Variants in RBFOX1 observed in about 807,000 individuals in gnomAD.
The protein encoded by RBFOX1 is RNA binding protein fox-1 homolog 1.
RBFOX1 carries 8 observed loss-of-function variants against 57.7 expected under a neutral mutation model. The observed-to-expected ratio is 0.14, with a 90% CI of 0.08 to 0.25. The LOEUF is 0.25. Among genes scored for constraint, RBFOX1 ranks in the 10% least tolerant of loss-of-function variants. The pLI is 1.00. For missense variants in RBFOX1, 611 were observed against 548.5 expected (o/e 1.11, Z -1.14); for synonymous variants, 326 against 222.4 (o/e 1.47, Z -4.15).
chr16:7,048,605 T>A (rs565308609), intron 3 of RBFOX1, among the ~76,000 whole-genome samples: 23 of 152,318 alleles, frequency 1.5e-4, no homozygotes, highest in Admixed American at 2.6e-4. Context: ...ATGCTGTCAA[T>A]TTTTTTCTCA....
At chr16:5,922,198 T>C (rs1162475473) in intron 4 of RBFOX1, among the ~76,000 whole-genome samples, 3 of 152,076 alleles carry the variant, frequency 2.0e-5, no homozygotes, top group African/African-American at 7.2e-5. Context: ...GCTCTCTATG[T>C]GAACTCAGAG....
chr16:6,443,391 C>T (rs1366349540), intron 2 of RBFOX1, among the ~76,000 whole-genome samples: 1 of 145,958 alleles, frequency 6.9e-6, no homozygotes. Context: ...TGCTCATTTT[C>T]CCATCCCCCC....
At chr16:5,294,597 C>T (rs1410737562) in intron 1 of RBFOX1, among the ~76,000 whole-genome samples, 6 of 152,216 alleles carry the variant, frequency 3.9e-5, no homozygotes, top group Admixed American at 2.0e-4. Flanking sequence ...TGGGTGGGGC[C>T]GAGGACTGTA....
chr16:5,261,277 G>T (rs2062724779), intron 1 of RBFOX1, among the ~76,000 whole-genome samples: 1 of 152,100 alleles, frequency 6.6e-6, no homozygotes, highest in Non-Finnish European at 1.5e-5. Context: ...ATTTTTAAAT[G>T]GATTCACCTC....
chr16:6,881,297 G>A (rs556667857), intron 3 of RBFOX1, among the ~76,000 whole-genome samples: 2 of 152,270 alleles, frequency 1.3e-5, no homozygotes, highest in African/African-American at 2.4e-5. Context: ...AAAACCTATC[G>A]TTGACAATAT....
At chr16:6,425,877 G>A (rs763185615) in intron 2 of RBFOX1, among the ~76,000 whole-genome samples, 2 of 152,124 alleles carry the variant, frequency 1.3e-5, no homozygotes, top group Admixed American at 6.5e-5. Context: ...TCATTGTCAA[G>A]TGTACAATTC....
intron 1 of RBFOX1, among the ~76,000 whole-genome samples, chr16:5,308,215 C>T (rs1212670667): frequency 6.6e-6 from 1 of 152,008 alleles, no homozygotes; most frequent in Non-Finnish European, 1.5e-5. Context: ...GTGGCAGGCG[C>T]CTGTAATCCC....
intron 2 of RBFOX1, among the ~76,000 whole-genome samples, chr16:6,498,829 A>T (rs543940042): frequency 4.4e-4 from 67 of 152,326 alleles, no homozygotes; most frequent in African/African-American, 1.5e-3. Context: ...CTTCTCCTGA[A>T]GCCAAGATAT....
intron 2 of RBFOX1, among the ~76,000 whole-genome samples, chr16:6,650,750 G>T (rs936103881): frequency 1.3e-5 from 2 of 152,144 alleles, no homozygotes; most frequent in Admixed American, 6.5e-5. Flanking sequence ...CCTAGAATTT[G>T]CTGTGTTTAC....
intron 3 of RBFOX1, chr16:6,704,929 C>T (rs7185746): frequency 0.41 from 61,685 of 151,962 alleles, 15,519 homozygotes; most frequent in Middle Eastern, 0.7. Flanking sequence ...AAAGAAATAA[C>T]GGATCGCACT....
At chr16:5,562,900 G>A (rs1567233502) in intron 2 of RBFOX1, among the ~76,000 whole-genome samples, 1 of 152,132 alleles carries the variant, frequency 6.6e-6, no homozygotes, top group Non-Finnish European at 1.5e-5. Flanking sequence ...GCTGTCTCAG[G>A]AGGAATATGC....
chr16:6,879,351 C>A (rs1373495463), intron 3 of RBFOX1, among the ~76,000 whole-genome samples: 1 of 152,178 alleles, frequency 6.6e-6, no homozygotes, highest in Non-Finnish European at 1.5e-5. Flanking sequence ...TGTCTCCTAT[C>A]TTTCCTAATT....
chr16:5,507,342 C>T (rs2043413679), intron 2 of RBFOX1, among the ~76,000 whole-genome samples: 1 of 152,064 alleles, frequency 6.6e-6, no homozygotes, highest in African/African-American at 2.4e-5. Flanking sequence ...AGAATGCAAG[C>T]TCCATGCGAG....
chr16:5,454,926 TCTTCCTTC>T lies in RBFOX1; in HGVS notation c.220-12262_220-12255del, dbSNP rs1162105535. Reference sequence around the variant, plus strand: ...TCTTTCTTTCTTTCCTTTGTTTCTTTCTTCCTTCCTTCCTTCCTTCCTTCCTTCCTTCC... The same window carrying T: ...TCTTTCTTTCTTTCCTTTGTTTCTTTCTTCCTTCCTTCCTTCCTTCCTTCC... On this transcript the variant is annotated intron_variant, in intron 1 of 2. Coordinates refer to the RBFOX1 transcript ENST00000585867. 4.1e-3 allele frequency among the ~76,000 whole-genome samples: 227 copies of T among 54,784 alleles called. 8 individuals are homozygous for T. Among genetic ancestry groups the T allele is most frequent in the African/African-American group, 0.013 (190 of 14,300 alleles). 35.9% of individuals were successfully genotyped at this position (54,784 alleles called of 152,430 possible). A position where few individuals can be genotyped will look rare whatever the true frequency, so the allele number is the denominator to read the frequency against.
chr16:7,208,493 A>G (rs1603185833), intron 4 of RBFOX1, among the ~76,000 whole-genome samples: 1 of 152,180 alleles, frequency 6.6e-6, no homozygotes, highest in East Asian at 1.9e-4. Context: ...AGAGATACAT[A>G]GTGGGAGGGG....
At chr16:5,581,090 CGTA>C (rs2151157796) in intron 2 of RBFOX1, among the ~76,000 whole-genome samples, 1 of 152,268 alleles carries the variant, frequency 6.6e-6, no homozygotes, top group East Asian at 1.9e-4. Context: ...CAAATATCCA[CGTA>C]GCCACCATTG....
At chr16:6,507,293 T>C (rs992722478) in intron 2 of RBFOX1, among the ~76,000 whole-genome samples, 11 of 151,958 alleles carry the variant, frequency 7.2e-5, no homozygotes, top group African/African-American at 2.7e-4. Context: ...ATGTTTACAA[T>C]AAAAAAGAGG....
intron 7 of RBFOX1, among the ~76,000 whole-genome samples, chr16:7,590,832 C>T (rs578079046): frequency 6.8e-6 from 1 of 147,188 alleles, no homozygotes; most frequent in East Asian, 2.0e-4. Flanking sequence ...GCATTCCAGC[C>T]TGGGCAAGAA....
intron 5 of RBFOX1, among the ~76,000 whole-genome samples, chr16:7,563,969 A>T (rs912307198): frequency 6.6e-6 from 1 of 152,144 alleles, no homozygotes; most frequent in Non-Finnish European, 1.5e-5. Flanking sequence ...TGGATAACTG[A>T]GCACCTGATT....
Sources: allele counts gnomAD v4.1 joint callset (sites outside exome capture counted in the v4.1 genomes callset), GRCh38; gene constraint gnomAD v4.1.1; transcripts MANE v1.5; gene names NCBI Gene and HGNC (gene_info 2026-07-23, HGNC 2026-07-21).